TCF4: variants seen among roughly 807,000 people sequenced by gnomAD.
The protein encoded by TCF4 is transcription factor 4, also known as SL3-3 enhancer factor 2.
TCF4 carries 3 observed loss-of-function variants against 82.1 expected under a neutral mutation model. The observed-to-expected ratio is 0.04, with a 90% CI of 0.02 to 0.09. The LOEUF (loss-of-function observed/expected upper bound fraction) is 0.09, where lower values mean the gene tolerates loss of function less well. Ranked by LOEUF, TCF4 falls within the 10% of genes least tolerant of loss-of-function variation. The pLI, the probability that TCF4 is intolerant of heterozygous loss-of-function variation, is 1.00. For synonymous variants in TCF4, 276 were observed against 309.6 expected, an observed-to-expected ratio of 0.89 and a Z score of 1.14; for missense variants, 518 against 852.7, an observed-to-expected ratio of 0.61 and a Z score of 4.89.
chr18:55,605,010 C>G (rs2097700979), intron 2 of TCF4, among the ~76,000 whole-genome samples: 1 of 152,062 alleles, frequency 6.6e-6, no homozygotes, highest in Admixed American at 6.6e-5. Context: ...AAGCACAGAC[C>G]CAGGGAGGAC....
At chr18:55,530,640 T>C (rs1329190642) in intron 3 of TCF4, among the ~76,000 whole-genome samples, 2 of 151,476 alleles carry the variant, frequency 1.3e-5, no homozygotes, top group East Asian at 3.9e-4. Flanking sequence ...GTTGCAAAAA[T>C]TAGATATGGA....
chr18:55,390,797 A>G (rs1462239172), intron 6 of TCF4, among the ~76,000 whole-genome samples: 1 of 152,232 alleles, frequency 6.6e-6, no homozygotes, highest in East Asian at 1.9e-4. Flanking sequence ...GGGTGTGTGT[A>G]TTATCTGCAA....
At chr18:55,534,501 T>C (rs1170506542) in intron 3 of TCF4, among the ~76,000 whole-genome samples, 8 of 152,224 alleles carry the variant, frequency 5.3e-5, no homozygotes, top group African/African-American at 1.9e-4. Flanking sequence ...CCCTCCCCTG[T>C]CTGCACTCAT....
chr18:55,329,563 TAAG>T (rs1449197805), intron 8 of TCF4, among the ~76,000 whole-genome samples: 4 of 152,156 alleles, frequency 2.6e-5, no homozygotes, highest in African/African-American at 9.7e-5. Flanking sequence ...AGTACTAAAA[TAAG>T]AATGATTTGG....
chr18:55,575,587 T>TA (rs199900579), intron 3 of TCF4, among the ~76,000 whole-genome samples: 1,603 of 152,276 alleles, frequency 0.011, 23 homozygotes, highest in Middle Eastern at 0.044. Context: ...TTTTTTTTTT[T>TA]ACTCTATACC....
chr18:55,405,497 A>AT (rs918725493), intron 5 of TCF4, among the ~76,000 whole-genome samples: 2 of 152,076 alleles, frequency 1.3e-5, no homozygotes, highest in African/African-American at 4.8e-5. Context: ...AAAAGCATCT[A>AT]TTTTTTTCTC....
At chr18:55,488,490 A>C (rs1322789365) in intron 3 of TCF4, among the ~76,000 whole-genome samples, 2 of 152,192 alleles carry the variant, frequency 1.3e-5, no homozygotes, top group Non-Finnish European at 2.9e-5. Context: ...TGGCCAGTAA[A>C]ATGCCAAACA....
At chr18:55,530,301 ACT>A (rs2097045499) in intron 3 of TCF4, among the ~76,000 whole-genome samples, 1 of 152,096 alleles carries the variant, frequency 6.6e-6, no homozygotes, top group Admixed American at 6.6e-5. Flanking sequence ...TTATTTGCAC[ACT>A]CTTTTTAGAA....
At chr18:55,481,028 T>C (rs1019870555) in intron 3 of TCF4, among the ~76,000 whole-genome samples, 2 of 139,878 alleles carry the variant, frequency 1.4e-5, no homozygotes, top group Admixed American at 1.6e-4. Context: ...CACTTGAACA[T>C]GGAAGGCGGA....
chr18:55,375,771 AG>A (rs1359820065), intron 6 of TCF4, among the ~76,000 whole-genome samples: 6 of 152,176 alleles, frequency 3.9e-5, no homozygotes, highest in Non-Finnish European at 8.8e-5. Context: ...AATACAGTTT[AG>A]GAAAAAAACA....
At chr18:55,230,766 T>A (rs1568318722) in intron 17 of TCF4, 2 of 152,220 alleles carry the variant, frequency 1.3e-5, no homozygotes, top group African/African-American at 4.8e-5. Flanking sequence ...TTTTGGAGAA[T>A]CTCTGGGTAA....
At chr18:55,289,687 G>A (rs1186205322) in intron 8 of TCF4, among the ~76,000 whole-genome samples, 2 of 152,248 alleles carry the variant, frequency 1.3e-5, no homozygotes, top group Admixed American at 1.3e-4. Flanking sequence ...ACCTCTGAAA[G>A]CACTGTTTTA....
At chr18:55,430,659 T>C (rs1370075422) in intron 5 of TCF4, among the ~76,000 whole-genome samples, 4 of 150,288 alleles carry the variant, frequency 2.7e-5, no homozygotes, top group African/African-American at 4.9e-5. Flanking sequence ...AAAAGAGTAG[T>C]GAGCGAAACA....
chr18:55,238,745 C>G (rs1035886534), intron 15 of TCF4, among the ~76,000 whole-genome samples: 1 of 152,316 alleles, frequency 6.6e-6, no homozygotes, highest in African/African-American at 2.4e-5. Flanking sequence ...TCTGCCCTCT[C>G]ATGATGACAG....
intron 3 of TCF4, among the ~76,000 whole-genome samples, chr18:55,570,122 T>C (rs532797332): frequency 2.0e-5 from 3 of 152,132 alleles, no homozygotes; most frequent in Non-Finnish European, 4.4e-5. Flanking sequence ...ACTAAAAATA[T>C]CACAGAAATA....
chr18:55,259,856 G>T (rs774453141), intron 13 of TCF4, 93 bp downstream of exon 13: 9 of 1,068,074 alleles, frequency 8.4e-6, no homozygotes, highest in Non-Finnish European at 1.0e-5. Flanking sequence ...GATTTGGGGG[G>T]AAGTGAGTTT....
At chr18:55,450,242 G>A (rs1335994962) in intron 5 of TCF4, among the ~76,000 whole-genome samples, 1 of 152,184 alleles carries the variant, frequency 6.6e-6, no homozygotes, top group Non-Finnish European at 1.5e-5. Flanking sequence ...CTACGTGAAA[G>A]CTTTAAATGT....
chr18:55,302,266 T>C, intron 8 of TCF4: 1 of 709,950 alleles, frequency 1.4e-6, no homozygotes. Context: ...GCAGAGCGAA[T>C]TAAAATGAAA....
chr18:55,340,263 C>G (rs904877952), intron 8 of TCF4, among the ~76,000 whole-genome samples: 1 of 152,078 alleles, frequency 6.6e-6, no homozygotes, highest in Non-Finnish European at 1.5e-5. Flanking sequence ...GCATCACAGC[C>G]GATGTACCAG....
Sources: gnomAD v4.1 joint callset for allele counts (sites outside exome capture counted in the v4.1 genomes callset) on GRCh38, gnomAD v4.1.1 for gene constraint, MANE v1.5 for transcripts, NCBI Gene and HGNC (gene_info 2026-07-23, HGNC 2026-07-21) for gene names.